The following JAK3 variants were observed in gnomAD, a reference collection of about 807,000 sequenced individuals.
The protein encoded by JAK3 is Janus kinase 3.
A neutral mutation model predicts 120.8 loss-of-function variants in JAK3; 88 were observed. That is an observed-to-expected ratio of 0.73 (90% CI 0.61 to 0.87). The LOEUF (loss-of-function observed/expected upper bound fraction) is 0.87, where lower values mean the gene tolerates loss of function less well. Among genes scored for constraint, JAK3 ranks in the 40% least tolerant of loss-of-function variants. JAK3 has a pLI of 0.00. For missense variants in JAK3, 1,254 were observed against 1,501.4 expected (o/e 0.84, Z 2.72); for synonymous variants, 592 against 628.6 (o/e 0.94, Z 0.87).
At position 17,826,841 on chromosome 19, in the gene JAK3, G is replaced by A. The variant is rs746347398; in HGVS notation, c.3277C>T (p.Pro1093Ser). ...CCGCTCCACAGCATGTCCAGCTGGG[G>A]GCCCAGGGCGCTGAATGATGGCCGG... ...QDRPSFSALGPQLDMLWSGSR... is the reference protein window; with the variant it reads ...QDRPSFSALGSQLDMLWSGSR... Residue 1093 changes from proline (P) to serine (S), a missense_variant, in exon 24 of 24, where the codon CCC becomes TCC. By Grantham distance (74) the Pro-to-Ser change is moderately conservative (BLOSUM62 -1). Coordinates refer to ENST00000458235, the MANE Select transcript of JAK3 (RefSeq NM_000215.4). 1.9e-6 allele frequency: 3 copies of A among 1,614,062 alleles called. No homozygotes were observed. Among genetic ancestry groups the A allele is most frequent in the East Asian group, 2.2e-5 (1 of 44,872 alleles).
chr19:17,827,636 C>T lies in JAK3; in HGVS notation c.3208-726G>A, dbSNP rs1192450506. Among the ~76,000 whole-genome samples the T allele has an allele frequency of 1.0e-4, 15 of 148,402 alleles. No homozygotes were observed. In the South Asian group the frequency reaches 1.1e-3, roughly 11 times the overall value. On this transcript the variant is annotated intron_variant, in intron 23 of 23. Transcript: ENST00000458235. ...GGCTGGGATTACAGGTGTGAGCCAC[C>T]GCGCCCAGCCCTTATGGATTTTACA... is the stretch of plus-strand genomic sequence containing the variant.
Position 17,838,262 on chromosome 19 carries a change from C to G in JAK3, c.1569+1G>C, listed in dbSNP as rs1408188956. ...TCGCCTCATTTCCCAGGGCCTCTTA[C>G]CCACTCCAGGCTGTCAGCAGGGATC... On this transcript the variant is annotated splice_donor_variant, in intron 11 of 23. Transcript: ENST00000458235. LOFTEE classifies it high-confidence loss of function. 5 of 1,614,082 alleles carry G rather than the reference C, an allele frequency of 3.1e-6. No individual in the cohort carries two copies. The highest frequency in any genetic ancestry group is 4.2e-6 in the Non-Finnish European group (5 of 1,180,024).
chr19:17,827,535 C>T (rs935504637), intron 23 of JAK3, among the ~76,000 whole-genome samples: 4 of 151,186 alleles, frequency 2.6e-5, no homozygotes, highest in African/African-American at 4.9e-5. Context: ...TTAGTAGAGA[C>T]GGGGTTTCAC....
chr19:17,836,940 G>A (rs1376055687), intron 13 of JAK3, 189 bp downstream of exon 13: 4 of 690,552 alleles, frequency 5.8e-6, no homozygotes, highest in East Asian at 5.4e-5. Flanking sequence ...GGATATGGGT[G>A]AGAACCTGGA....
chr19:17,844,484 C>G, intron 1 of JAK3, 54 bp from the exon 2 acceptor site: 1 of 1,496,806 alleles, frequency 6.7e-7, no homozygotes, highest in Non-Finnish European at 9.1e-7. Flanking sequence ...GATTGGACTT[C>G]TGAGCAGGGA....
intron 1 of JAK3, among the ~76,000 whole-genome samples, chr19:17,845,884 G>A (rs897478618): frequency 2.4e-4 from 36 of 152,158 alleles, no homozygotes; most frequent in African/African-American, 7.2e-4. Context: ...GAGTGCAGTG[G>A]CACAATCTCG....
chr19:17,844,121 C>A, intron 2 of JAK3, 113 bp downstream of exon 2: 1 of 1,296,154 alleles, frequency 7.7e-7, no homozygotes, highest in South Asian at 1.3e-5. Flanking sequence ...CTACTCATCC[C>A]CCAAAGCCCC....
chr19:17,847,730 A>C (rs578077070), intron 1 of JAK3, among the ~76,000 whole-genome samples: 1 of 147,202 alleles, frequency 6.8e-6, no homozygotes, highest in Non-Finnish European at 1.5e-5. Flanking sequence ...TCCGCAAGGC[A>C]GGCATCTCCC....
At position 17,842,540 on chromosome 19, in the gene JAK3, T is replaced by G. The variant is rs1007002260; in HGVS notation, c.637A>C (p.Ile213Leu). 2 of 1,589,616 alleles carry G rather than the reference T, an allele frequency of 1.3e-6. No homozygotes were observed. The highest frequency in any genetic ancestry group is 2.7e-5 in the African/African-American group (2 of 74,490). ...AGGGCTCTGCGCACCGTCCTCCGAA[T>G]ACGCCTCCGCGTCACGAAGCTCAGG... The part of the protein sequence containing the change: ...QGLSFVTRRR[I>L]RRTVRRALRR... The change falls in exon 6 of 24, where the codon ATT (isoleucine) becomes CTT (leucine). Residue 213 changes from isoleucine (I) to leucine (L), a missense_variant. This residue lies in a region of JAK3 where 486 missense variants were observed against 503.0 expected (regional missense o/e 0.97). Coordinates refer to ENST00000458235, the MANE Select transcript of JAK3 (RefSeq NM_000215.4). This position sits in a 1 kb window ranked among gnomAD's most constrained non-coding sequence, Gnocchi z 6.4.
rs1052526 is a variant in JAK3 at position 17,832,663 on chromosome 19, C to A, written c.2536G>T (p.Asp846Tyr). The stretch of plus-strand genomic sequence containing the variant: ...ACGGCCACCAGGGCACCTGTATTGT[C>A]GCCTAGCGGGTCATAGCGGCACAGC... ...VELCRYDPLG[D>Y]NTGALVAVKQ... is the part of the protein sequence containing the mutation. Residue 846 changes from aspartate (D) to tyrosine (Y), a missense_variant, in exon 19 of 24, where the codon GAC (aspartate) becomes TAC (tyrosine). By Grantham distance (160) the Asp-to-Tyr change is radical. Coordinates refer to ENST00000458235, the MANE Select transcript of JAK3 (RefSeq NM_000215.4). The surrounding 1 kb of genome is among the most constrained non-coding windows in gnomAD (Gnocchi z 4.7). 6.2e-7 allele frequency: 1 copy of A among 1,614,220 alleles called. No individual in the cohort carries two copies. The highest frequency in any genetic ancestry group is 1.1e-5 in the South Asian group (1 of 91,084).
chr19:17,843,680 A>G lies in JAK3; in HGVS notation c.308+97T>C. 6.9e-7 allele frequency: 1 copy of G among 1,456,390 alleles called. No homozygotes were observed. The highest frequency in any genetic ancestry group is 9.6e-7 in the Non-Finnish European group (1 of 1,038,122). The allele number at this position is 1,456,390 out of a possible 1,614,324, so 90.2% of individuals were successfully genotyped here. A position where few individuals can be genotyped will look rare whatever the true frequency, so the allele number is the denominator to read the frequency against. On this transcript the variant is annotated intron_variant, in intron 3 of 23. Coordinates refer to ENST00000458235, the MANE Select transcript of JAK3 (RefSeq NM_000215.4). The surrounding 1 kb of genome is among the most constrained non-coding windows in gnomAD (Gnocchi z 5.4). The stretch of plus-strand genomic sequence containing the variant: ...CTGTTTCCTCATCTGAGAAATGGGT[A>G]GTGACCATACCTCCCTGGGGCAGGG...
In JAK3 at chr19:17,841,757, G is replaced by A; in HGVS notation, c.867C>T (p.Leu289=). The A allele has an allele frequency of 1.2e-6, 2 of 1,605,450 alleles. No homozygotes were observed. Among genetic ancestry groups the A allele is most frequent in the South Asian group, 2.2e-5 (2 of 91,068 alleles). ...IAWTQGEQEV[L]QPFCDFPEIV... ...TTTCTGGAAAGTCGCAGAAGGGCTGGAGGACCTGGGAAGGAGGGGGAGTAC... is the reference window on the plus strand; with the variant it reads ...TTTCTGGAAAGTCGCAGAAGGGCTGAAGGACCTGGGAAGGAGGGGGAGTAC... The change falls in exon 7 of 24, where the codon CTC becomes CTT. Residue 289 remains leucine (L), a synonymous_variant. Coordinates refer to ENST00000458235, the MANE Select transcript of JAK3 (RefSeq NM_000215.4). The surrounding 1 kb of genome is among the most constrained non-coding windows in gnomAD (Gnocchi z 4.1).
rs1203003897 is a variant in JAK3, at chr19:17,843,161, G to A, written c.432C>T (p.Asp144=). The A allele has an allele frequency of 1.9e-6, 3 of 1,605,414 alleles. No homozygotes were observed. Among genetic ancestry groups the A allele is most frequent in the Non-Finnish European group, 2.5e-6 (3 of 1,178,864 alleles). The change falls in exon 5 of 24, where the codon GAC becomes GAT. Residue 144 remains aspartate, a synonymous_variant. Transcript: ENST00000458235. The surrounding 1 kb of genome is among the most constrained non-coding windows in gnomAD (Gnocchi z 5.4). ...CCACGGGGAGGCGCCCACTCACCAG[G>A]TCACTGCGGTGCTGGGGGGCCGCCA... ...LEHLFAQHRS[D]LVSGRLPVGL...
Position 17,842,274 on chromosome 19 carries a change from G to T in JAK3, c.861+42C>A. 1 of 478,770 alleles carries T rather than the reference G, an allele frequency of 2.1e-6. No homozygotes were observed. The allele number at this position is 478,770 out of a possible 1,614,324, so 29.7% of individuals were successfully genotyped here. ...ACTCTCCGGCCCCTCCCCGAGCCCC[G>T]CCCCCACGTTGGCCCCGCCCAGCGG... is the stretch of plus-strand genomic sequence containing the variant. On this transcript the variant is annotated intron_variant, in intron 6 of 23. Coordinates refer to ENST00000458235, the MANE Select transcript of JAK3 (RefSeq NM_000215.4). The surrounding 1 kb of genome is among the most constrained non-coding windows in gnomAD (Gnocchi z 6.4).
intron 21 of JAK3, 136 bp from the exon 22 acceptor site, chr19:17,830,756 C>T: frequency 1.4e-6 from 1 of 714,478 alleles, no homozygotes; most frequent in Non-Finnish European, 2.5e-6. Flanking sequence ...TCTCGGTTTC[C>T]CTGGCTGTGG....
chr19:17,831,585 C>T lies in JAK3; in HGVS notation c.2805+89G>A. On this transcript the variant is annotated intron_variant, in intron 20 of 23. Coordinates refer to ENST00000458235, the MANE Select transcript of JAK3 (RefSeq NM_000215.4). The surrounding 1 kb of genome is among the most constrained non-coding windows in gnomAD (Gnocchi z 5.1). The stretch of plus-strand genomic sequence containing the variant: ...CTCCCGAGACCTGGACCCCAAACCA[C>T]TCCTCAGCCTTCACCGCGACCTCCA... The T allele has an allele frequency of 1.3e-6, 2 of 1,534,408 alleles. No individual in the cohort carries two copies. The highest frequency in any genetic ancestry group is 1.8e-6 in the Non-Finnish European group (2 of 1,140,428).
In JAK3 at chr19:17,831,813, A is replaced by T. The variant is rs2147677226; in HGVS notation, c.2681-15T>A. The T allele has an allele frequency of 6.2e-7, 1 of 1,612,580 alleles. No individual in the cohort carries two copies. Among genetic ancestry groups the T allele is most frequent in the Non-Finnish European group, 8.5e-7 (1 of 1,179,790 alleles). On this transcript the variant is annotated splice_polypyrimidine_tract_variant and intron_variant, in intron 19 of 23. Transcript: ENST00000458235. The surrounding 1 kb of genome is among the most constrained non-coding windows in gnomAD (Gnocchi z 5.1). ...GCTCTGGCGGCCTGGAGAAGGCAGG[A>T]TCTGTCACAGCAGGGCCCAGCCCTG... is the stretch of plus-strand genomic sequence containing the variant.
At position 17,841,927 on chromosome 19, in the gene JAK3, A is replaced by C. The variant is rs2094240238; in HGVS notation, c.862-165T>G. Among the ~76,000 whole-genome samples, 1 of 147,228 alleles carries C rather than the reference A, an allele frequency of 6.8e-6. No homozygotes were observed. Among genetic ancestry groups the C allele is most frequent in the African/African-American group, 2.5e-5 (1 of 39,242 alleles). ...ACTCCAACCTCTCAACACCTCCCCT[A>C]CCCATCCCCAAACATCTCCCACCCG... On this transcript the variant is annotated intron_variant, in intron 6 of 23. Transcript: ENST00000458235. This position sits in a 1 kb window ranked among gnomAD's most constrained non-coding sequence, Gnocchi z 4.1.
Position 17,844,310 on chromosome 19 carries a change from C to G in JAK3, c.108G>C (p.Gly36=), listed in dbSNP as rs149701114. The G allele has an allele frequency of 4.9e-4, 782 of 1,608,242 alleles. 5 individuals are homozygous for G. In the Middle Eastern group the frequency reaches 0.011, roughly 22 times the overall value. Residue 36 remains glycine (G), a synonymous_variant, in exon 2 of 24, where the codon GGG becomes GGC. Transcript: ENST00000458235. ...AGGAGAAAGATAGGCGCTGGGGGGG[C>G]CCGGGGCCCCGAGCGGGCAGCAGCA... The part of the protein sequence containing the change: ...LHVLLPARGP[G]PPQRLSFSFG...
Sources: allele counts gnomAD v4.1 joint callset (sites outside exome capture counted in the v4.1 genomes callset), GRCh38; gene constraint gnomAD v4.1.1; regional missense constraint gnomAD v4.1.1; non-coding constraint Gnocchi (gnomAD v3.1); transcripts MANE v1.5; gene names NCBI Gene and HGNC (gene_info 2026-07-23, HGNC 2026-07-21).